NF2: variants seen among roughly 807,000 people sequenced by gnomAD.
NF2 encodes merlin.
A neutral mutation model predicts 83.7 loss-of-function variants in NF2; 8 were observed. The observed-to-expected ratio is 0.10, with a 90% CI of 0.06 to 0.17. The LOEUF (loss-of-function observed/expected upper bound fraction) is 0.17. Ranked by LOEUF, NF2 falls within the 10% of genes least tolerant of loss-of-function variation. The pLI, the probability that NF2 is intolerant of heterozygous loss-of-function variation, is 1.00. For missense variants in NF2, 533 were observed against 744.4 expected, an observed-to-expected ratio of 0.72 and a Z score of 3.31; for synonymous variants, 266 against 269.6, an observed-to-expected ratio of 0.99 and a Z score of 0.13.
rs776888731 is a variant in NF2 at position 29,636,892 on chromosome 22, G to C, written c.240+16G>C. The C allele has an allele frequency of 6.2e-7, 1 of 1,613,884 alleles. No individual in the cohort carries two copies. The highest frequency in any genetic ancestry group is 1.1e-5 in the South Asian group (1 of 91,026). On this transcript the variant is annotated intron_variant, in intron 2 of 15. Transcript: ENST00000338641. This position sits in a 1 kb window ranked among gnomAD's most constrained non-coding sequence, Gnocchi z 4.4. The stretch of plus-strand genomic sequence containing the variant: ...GGACAAGAAGGTTGGGCTAGAACTC[G>C]ATGAAACTGGTGGGGCTGACGTGAG...
At chr22:29,688,414 T>C (rs1194751421) in intron 15 of NF2, among the ~76,000 whole-genome samples, 1 of 152,260 alleles carries the variant, frequency 6.6e-6, no homozygotes, top group East Asian at 1.9e-4. Flanking sequence ...TCTGTTCTCA[T>C]GATCCTTGCT....
intron 1 of NF2, among the ~76,000 whole-genome samples, chr22:29,615,772 AAAC>A (rs2065067427): frequency 6.6e-6 from 1 of 152,196 alleles, no homozygotes; most frequent in Non-Finnish European, 1.5e-5. Context: ...GCAGTTCCTC[AAAC>A]AGTTAAACAC....
At chr22:29,630,532 C>G (rs1224815233) in intron 1 of NF2, among the ~76,000 whole-genome samples, 1 of 152,262 alleles carries the variant, frequency 6.6e-6, no homozygotes, top group African/African-American at 2.4e-5. Flanking sequence ...AAGCATCCGA[C>G]TTCCAGACTC....
chr22:29,617,224 C>T (rs1312931702), intron 1 of NF2, among the ~76,000 whole-genome samples: 1 of 152,154 alleles, frequency 6.6e-6, no homozygotes, highest in Non-Finnish European at 1.5e-5. Flanking sequence ...CCACTGTGTC[C>T]ATCCAGGAAA....
At chr22:29,673,987 T>TC (rs1239756654) in intron 12 of NF2, among the ~76,000 whole-genome samples, 1 of 152,208 alleles carries the variant, frequency 6.6e-6, no homozygotes, top group Non-Finnish European at 1.5e-5. Flanking sequence ...GACTGGGATG[T>TC]CCCACTCATG....
Position 29,695,237 on chromosome 22 carries a change from C to T in NF2, c.*435C>T, listed in dbSNP as rs1406944980. The T allele has an allele frequency of 3.3e-5, 12 of 358,612 alleles. No homozygotes were observed. The highest frequency in any genetic ancestry group is 2.4e-4 in the African/African-American group (12 of 49,894). 22.2% of individuals were successfully genotyped at this position (358,612 alleles called of 1,614,324 possible). A position where few individuals can be genotyped will look rare whatever the true frequency, so the allele number is the denominator to read the frequency against. On this transcript the variant is annotated 3_prime_UTR_variant, in exon 16 of 16. Coordinates refer to ENST00000338641, the MANE Select transcript of NF2 (RefSeq NM_000268.4). The surrounding 1 kb of genome is among the most constrained non-coding windows in gnomAD (Gnocchi z 5.4). ...CCCAGGGTTCCGGAACATTCATTCC[C>T]CCACCGGTGAGGACCTGGCATGCAG...
Position 29,673,417 on chromosome 22 carries a change from G to A in NF2, c.1271G>A (p.Arg424His), listed in dbSNP as rs751182657. 30 of 1,612,486 alleles carry A rather than the reference G, an allele frequency of 1.9e-5. No individual in the cohort carries two copies. The highest frequency in any genetic ancestry group is 2.5e-5 in the Non-Finnish European group (29 of 1,179,644). The change falls in exon 12 of 16, where the codon CGC becomes CAC. Residue 424 changes from arginine (R) to histidine (H), a missense_variant. Physicochemically the swap from Arg to His is conservative, Grantham distance 29 (BLOSUM62 0). Transcript: ENST00000338641. ...ATAIRTEEEK[R>H]LMEQKVLEAE... ...GCGATTCGCACGGAGGAGGAGAAGC[G>A]CCTGATGGAGCAGAAGGTGCTGGAA...
rs2067518562 is a variant in NF2 at position 29,695,286 on chromosome 22, C to G, written c.*484C>G. ...AGCGAAGCAGCCCAGCCCGGCGGAT[C>G]CCAGGCCAGCACGCCTGCCGGCTTC... On this transcript the variant is annotated 3_prime_UTR_variant, in exon 16 of 16. Coordinates refer to ENST00000338641, the MANE Select transcript of NF2 (RefSeq NM_000268.4). This position sits in a 1 kb window ranked among gnomAD's most constrained non-coding sequence, Gnocchi z 5.4. 3.4e-6 allele frequency: 1 copy of G among 291,332 alleles called. No homozygotes were observed. Among genetic ancestry groups the G allele is most frequent in the Non-Finnish European group, 6.6e-6 (1 of 152,006 alleles). 18.0% of individuals were successfully genotyped at this position (291,332 alleles called of 1,614,324 possible). A position where few individuals can be genotyped will look rare whatever the true frequency, so the allele number is the denominator to read the frequency against.
intron 4 of NF2, among the ~76,000 whole-genome samples, chr22:29,645,638 C>T (rs905949948): frequency 2.0e-5 from 3 of 152,170 alleles, no homozygotes; most frequent in African/African-American, 7.2e-5. Context: ...GCTTTCTCCC[C>T]AGCGAGAGCA....
At chr22:29,626,746 T>C (rs1244266090) in intron 1 of NF2, among the ~76,000 whole-genome samples, 1 of 152,208 alleles carries the variant, frequency 6.6e-6, no homozygotes, top group Non-Finnish European at 1.5e-5. Context: ...TGGTTGATAC[T>C]TAGTCAGGGG....
intron 15 of NF2, among the ~76,000 whole-genome samples, chr22:29,685,937 C>T (rs1266675004): frequency 6.6e-6 from 1 of 151,720 alleles, no homozygotes; most frequent in Non-Finnish European, 1.5e-5. Context: ...CTCTATAATT[C>T]TTACTCGCTC....
chr22:29,680,045 TTTTA>T (rs1264455775), intron 14 of NF2, among the ~76,000 whole-genome samples: 1 of 151,756 alleles, frequency 6.6e-6, no homozygotes, highest in East Asian at 1.9e-4. Context: ...CTGGAGTCTC[TTTTA>T]TAAGGGCACT....
rs1317440012 is a variant in NF2, at chr22:29,695,151, A to G, written c.*349A>G. On this transcript the variant is annotated 3_prime_UTR_variant, in exon 16 of 16. Coordinates refer to ENST00000338641, the MANE Select transcript of NF2 (RefSeq NM_000268.4). This position sits in a 1 kb window ranked among gnomAD's most constrained non-coding sequence, Gnocchi z 5.4. ...CTGACCTCCACCGCCCAGCCTGGGA[A>G]GTCATTGTAGGGAGTGAGACACTGA... 3.0e-5 allele frequency: 14 copies of G among 466,868 alleles called. No individual in the cohort carries two copies. The highest frequency in any genetic ancestry group is 5.2e-5 in the Non-Finnish European group (13 of 252,034). 28.9% of individuals were successfully genotyped at this position (466,868 alleles called of 1,614,324 possible).
intron 12 of NF2, among the ~76,000 whole-genome samples, chr22:29,673,719 A>G (rs2066879154): frequency 6.6e-6 from 1 of 152,144 alleles, no homozygotes; most frequent in Non-Finnish European, 1.5e-5. Context: ...CTCTGGTCAT[A>G]CTTGTGTCTC....
intron 4 of NF2, among the ~76,000 whole-genome samples, chr22:29,643,918 G>A (rs2065890592): frequency 6.6e-6 from 1 of 151,018 alleles, no homozygotes; most frequent in Non-Finnish European, 1.5e-5. Flanking sequence ...CCGGGCGGGG[G>A]GCTGACCCCC....
intron 4 of NF2, among the ~76,000 whole-genome samples, chr22:29,645,486 C>A (rs5763382): frequency 0.059 from 8,913 of 152,212 alleles, 646 homozygotes; most frequent in African/African-American, 0.16. Context: ...CATATGCTTC[C>A]TTTTATGCTT....
At chr22:29,630,539 ACTC>A (rs1284103139) in intron 1 of NF2, among the ~76,000 whole-genome samples, 1 of 152,082 alleles carries the variant, frequency 6.6e-6, no homozygotes, top group African/African-American at 2.4e-5. Flanking sequence ...CGACTTCCAG[ACTC>A]CTCCTATTAG....
intron 15 of NF2, among the ~76,000 whole-genome samples, chr22:29,686,671 T>C (rs2067278075): frequency 6.6e-6 from 1 of 152,252 alleles, no homozygotes; most frequent in Non-Finnish European, 1.5e-5. Flanking sequence ...CATAATTAAC[T>C]TCACTGTTTC....
At position 29,695,997 on chromosome 22, in the gene NF2, A is replaced by G. The variant is rs2067540519; in HGVS notation, c.*1195A>G. On this transcript the variant is annotated 3_prime_UTR_variant, in exon 16 of 16. Coordinates refer to ENST00000338641, the MANE Select transcript of NF2 (RefSeq NM_000268.4). The surrounding 1 kb of genome is among the most constrained non-coding windows in gnomAD (Gnocchi z 5.4). ...CTGTCACAGGACCCACCTCCATGCC[A>G]GGCAACAGAGGGCCACAGAACCACC... 1 of 231,946 alleles carries G rather than the reference A, an allele frequency of 4.3e-6. No homozygotes were observed. Among genetic ancestry groups the G allele is most frequent in the African/African-American group, 2.2e-5 (1 of 44,976 alleles). The allele number at this position is 231,946 out of a possible 1,614,324, so 14.4% of individuals were successfully genotyped here.
Sources: gnomAD v4.1 joint callset for allele counts (sites outside exome capture counted in the v4.1 genomes callset) on GRCh38, gnomAD v4.1.1 for gene constraint, Gnocchi (gnomAD v3.1) non-coding constraint, MANE v1.5 for transcripts, NCBI Gene and HGNC (gene_info 2026-07-23, HGNC 2026-07-21) for gene names.